Variants in NID1 observed in about 807,000 individuals in gnomAD.
The protein encoded by NID1 is nidogen 1.
A neutral mutation model predicts 130.6 loss-of-function variants in NID1; 76 were observed. That is an observed-to-expected ratio of 0.58 (90% confidence interval 0.48 to 0.70). The LOEUF is 0.70. Ranked by LOEUF, NID1 falls within the 30% of genes least tolerant of loss-of-function variation. The pLI is 0.00. For missense variants in NID1, 1,517 were observed against 1,664.8 expected, an observed-to-expected ratio of 0.91 and a Z score of 1.54; for synonymous variants, 665 against 675.1, an observed-to-expected ratio of 0.98 and a Z score of 0.23.
In NID1 at chr1:236,032,394, A is replaced by C. The variant is rs564944663; in HGVS notation, c.1537+7T>G. ...ACCCACTAATTTTAATGTCGGATAT[A>C]AATTACCGGTGATGCTGAACCCATT... On this transcript the variant is annotated splice_region_variant and intron_variant, in intron 6 of 19. Transcript: ENST00000264187. 3 of 1,613,040 alleles carry C rather than the reference A, an allele frequency of 1.9e-6. No homozygotes were observed. The Admixed American group carries it at 5.0e-5, about 27-fold the overall frequency.
chr1:236,009,738 C>G (rs940669170), intron 12 of NID1, among the ~76,000 whole-genome samples: 8 of 152,066 alleles, frequency 5.3e-5, no homozygotes, highest in Non-Finnish European at 8.8e-5. Context: ...TGGATTATAC[C>G]AACAGTCATC....
intron 12 of NID1, among the ~76,000 whole-genome samples, chr1:235,998,102 T>G (rs966106080): frequency 2.0e-5 from 3 of 152,198 alleles, no homozygotes; most frequent in African/African-American, 7.2e-5. Flanking sequence ...TGCGACTGGA[T>G]CCTCGCAAAG....
chr1:236,038,932 T>C (rs1243138015), intron 4 of NID1, among the ~76,000 whole-genome samples: 1 of 141,830 alleles, frequency 7.1e-6, no homozygotes, highest in Non-Finnish European at 1.5e-5. Context: ...ATATGTAATA[T>C]ATATTAAATA....
chr1:236,049,821 C>T lies in NID1; in HGVS notation c.226-832G>A, dbSNP rs530151338. Among the ~76,000 whole-genome samples, 6 of 151,602 alleles carry T rather than the reference C, an allele frequency of 4.0e-5. 1 individual carries two copies. Among genetic ancestry groups the T allele is most frequent in the African/African-American group, 1.5e-4 (6 of 41,358 alleles). On this transcript the variant is annotated intron_variant, in intron 1 of 19. Transcript: ENST00000264187. Reference sequence around the variant, plus strand: ...TTGGGAGGCCGAGGTGGGCAGATCGCGAGGTCAGGAGTTTAAGACCAGCCT... The same window carrying T: ...TTGGGAGGCCGAGGTGGGCAGATCGTGAGGTCAGGAGTTTAAGACCAGCCT...
intron 6 of NID1, among the ~76,000 whole-genome samples, chr1:236,030,179 T>C (rs1375927417): frequency 2.0e-5 from 3 of 152,210 alleles, no homozygotes; most frequent in East Asian, 1.9e-4. Flanking sequence ...GTGATGAATA[T>C]TGAAATAGCT....
intron 1 of NID1, among the ~76,000 whole-genome samples, chr1:236,054,865 C>T (rs150716700): frequency 0.018 from 2,801 of 152,118 alleles, 69 homozygotes; most frequent in African/African-American, 0.062. Context: ...TAGTCTGGAA[C>T]TCCTGAGCTC....
chr1:235,985,665 A>G (rs754889190), intron 14 of NID1, among the ~76,000 whole-genome samples, 160 bp from the exon 15 acceptor site: 2 of 152,234 alleles, frequency 1.3e-5, no homozygotes, highest in Middle Eastern at 3.4e-3. Flanking sequence ...AGTTGTTCGT[A>G]TATTTCAGAA....
chr1:235,989,042 C>T (rs1471829791), intron 14 of NID1, among the ~76,000 whole-genome samples: 4 of 151,466 alleles, frequency 2.6e-5, no homozygotes, highest in African/African-American at 9.7e-5. Context: ...TTCCCCCTTC[C>T]ACCACCTAGC....
intron 3 of NID1, among the ~76,000 whole-genome samples, chr1:236,044,926 C>T (rs370245090): frequency 1.3e-5 from 2 of 152,086 alleles, no homozygotes; most frequent in East Asian, 3.8e-4. Flanking sequence ...AGGCCGGGCG[C>T]GGCACTTCAT....
chr1:236,039,028 T>A (rs1289546339), intron 4 of NID1, among the ~76,000 whole-genome samples: 1 of 130,460 alleles, frequency 7.7e-6, no homozygotes, highest in African/African-American at 2.9e-5. Flanking sequence ...TTACATTATA[T>A]TATATAATAT....
intron 12 of NID1, among the ~76,000 whole-genome samples, chr1:236,007,579 T>TTC (rs149604439): frequency 9.9e-5 from 15 of 151,342 alleles, no homozygotes; most frequent in African/African-American, 2.4e-4. Context: ...CAGTCTCTCT[T>TTC]TCTCTCTCTC....
At chr1:235,998,689 C>G (rs1481830416) in intron 12 of NID1, among the ~76,000 whole-genome samples, 3 of 151,128 alleles carry the variant, frequency 2.0e-5, no homozygotes, top group Non-Finnish European at 2.9e-5. Flanking sequence ...AAAAAAAAAT[C>G]TGGTTTTGTT....
intron 14 of NID1, among the ~76,000 whole-genome samples, chr1:235,988,538 A>G (rs1413973180): frequency 6.6e-6 from 1 of 152,242 alleles, no homozygotes; most frequent in Non-Finnish European, 1.5e-5. Flanking sequence ...ATATGTATCG[A>G]AAAGAAGTTA....
rs562001025 is a variant in NID1 at position 236,021,981 on chromosome 1, C to T, written c.2128+2089G>A. On this transcript the variant is annotated intron_variant, in intron 9 of 19. Transcript: ENST00000264187. ...TGTTCAAATACTATATTTGTCACGGCTCACTTTAATGAGCCTCAGTTTTCT... is the reference window on the plus strand; with the variant it reads ...TGTTCAAATACTATATTTGTCACGGTTCACTTTAATGAGCCTCAGTTTTCT... Among the ~76,000 whole-genome samples, 6 of 152,292 alleles carry T rather than the reference C, an allele frequency of 3.9e-5. No individual in the cohort carries two copies. The South Asian group carries it at 1.2e-3, about 32-fold the overall frequency.
At chr1:236,037,183 T>C (rs1449325505) in intron 5 of NID1, among the ~76,000 whole-genome samples, 4 of 152,212 alleles carry the variant, frequency 2.6e-5, no homozygotes, top group East Asian at 1.9e-4. Context: ...CCGAATCCAT[T>C]TGGAATTGGC....
At position 236,011,956 on chromosome 1, in the gene NID1, C is replaced by A; in HGVS notation, c.2492G>T (p.Gly831Val). 1 of 1,614,200 alleles carries A rather than the reference C, an allele frequency of 6.2e-7. No homozygotes were observed. Among genetic ancestry groups the A allele is most frequent in the Non-Finnish European group, 8.5e-7 (1 of 1,180,036 alleles). ...GCAACGGAAGCCGTCTCCCTGATAA[C>A]CAGGTTTGCACTGGCACGTGAAAGA... ...PGSFTCQCKPGYQGDGFRCVP... is the reference protein window; with the variant it reads ...PGSFTCQCKPVYQGDGFRCVP... The change falls in exon 12 of 20, where the codon GGT (glycine) becomes GTT (valine). Residue 831 changes from glycine to valine, a missense_variant. Around this residue, in one of 3 missense-constraint regions of NID1, gnomAD observed 1,329 missense variants for 1,429.2 expected, o/e 0.93. Transcript: ENST00000264187.
At chr1:235,987,024 C>T (rs1037607405) in intron 14 of NID1, among the ~76,000 whole-genome samples, 1 of 152,174 alleles carries the variant, frequency 6.6e-6, no homozygotes, top group Non-Finnish European at 1.5e-5. Flanking sequence ...AAAAGTGAGA[C>T]AGAAAAGGAC....
intron 1 of NID1, among the ~76,000 whole-genome samples, chr1:236,063,536 G>A (rs964052905): frequency 6.6e-6 from 1 of 151,824 alleles, no homozygotes; most frequent in African/African-American, 2.4e-5. Context: ...TAGTACATAA[G>A]AGCATAAGAT....
chr1:235,989,191 G>A (rs1657657359), intron 14 of NID1, among the ~76,000 whole-genome samples: 1 of 151,298 alleles, frequency 6.6e-6, no homozygotes, highest in African/African-American at 2.4e-5. Context: ...CAAGTAGCTG[G>A]GATTACAGGA....
Sources: allele counts gnomAD v4.1 joint callset (sites outside exome capture counted in the v4.1 genomes callset), GRCh38; gene constraint gnomAD v4.1.1; regional missense constraint gnomAD v4.1.1; transcripts MANE v1.5; gene names NCBI Gene and HGNC (gene_info 2026-07-23, HGNC 2026-07-21).